BNC2: variants seen among roughly 807,000 people sequenced by gnomAD.
The protein encoded by BNC2 is zinc finger protein basonuclin-2.
A neutral mutation model predicts 76.3 loss-of-function variants in BNC2; 20 were observed. The observed-to-expected ratio is 0.26, with a 90% CI of 0.18 to 0.38. The LOEUF is 0.38. Ranked by LOEUF, BNC2 falls within the 10% of genes least tolerant of loss-of-function variation. The pLI is 1.00. For missense variants in BNC2, 1,382 were observed against 1,399.8 expected, an observed-to-expected ratio of 0.99 and a Z score of 0.20; for synonymous variants, 582 against 514.8, an observed-to-expected ratio of 1.13 and a Z score of -1.77.
intron 5 of BNC2, among the ~76,000 whole-genome samples, chr9:16,533,631 C>T (rs960931660): frequency 2.6e-5 from 4 of 151,970 alleles, no homozygotes; most frequent in African/African-American, 9.7e-5. Flanking sequence ...GAAAAATCTG[C>T]CTATTTGTAT....
In BNC2 at chr9:16,650,889, T is replaced by C. The variant is rs1471439470; in HGVS notation, c.331-67804A>G. On this transcript the variant is annotated intron_variant, in intron 3 of 6. Transcript: ENST00000380672. ...TATGTTTGTGTAAGTTTTGTAAATA[T>C]TGACATGTGCTATACGTAATGCAAA... 6.6e-5 allele frequency among the ~76,000 whole-genome samples: 10 copies of C among 152,332 alleles called. No homozygotes were observed. The East Asian group carries it at 1.3e-3, about 21-fold the overall frequency.
chr9:16,865,225 A>G (rs1012290949), intron 1 of BNC2, among the ~76,000 whole-genome samples: 6 of 152,090 alleles, frequency 3.9e-5, no homozygotes, highest in African/African-American at 1.4e-4. Flanking sequence ...CAACTATTAA[A>G]TACTGTATCT....
At chr9:16,716,888 G>A (rs545343826) in intron 3 of BNC2, among the ~76,000 whole-genome samples, 3 of 152,102 alleles carry the variant, frequency 2.0e-5, no homozygotes, top group East Asian at 3.9e-4. Flanking sequence ...CTTCACAATC[G>A]GACTTTAATC....
intron 3 of BNC2, among the ~76,000 whole-genome samples, chr9:16,617,208 T>A (rs544202444): frequency 3.3e-5 from 5 of 152,124 alleles, no homozygotes; most frequent in Admixed American, 2.0e-4. Context: ...ATGAGGTACT[T>A]CTTATAGAAC....
intron 5 of BNC2, among the ~76,000 whole-genome samples, chr9:16,514,867 C>G (rs1219753770): frequency 6.6e-6 from 1 of 152,208 alleles, no homozygotes; most frequent in Non-Finnish European, 1.5e-5. Context: ...TTCTTCATTG[C>G]TAATGGCAAT....
Position 16,815,520 on chromosome 9 carries a change from T to C in BNC2, c.3+55126A>G, listed in dbSNP as rs561980104. Among the ~76,000 whole-genome samples, 20 of 152,270 alleles carry C rather than the reference T, an allele frequency of 1.3e-4. No individual in the cohort carries two copies. In the South Asian group the frequency reaches 2.1e-3, roughly 16 times the overall value. On this transcript the variant is annotated intron_variant, in intron 1 of 6. Transcript: ENST00000380672. The stretch of plus-strand genomic sequence containing the variant: ...AGAATGAGGGTATATAGATGCAGAA[T>C]CCCTAAGATCTGGGATCTAAAGATA...
intron 5 of BNC2, among the ~76,000 whole-genome samples, chr9:16,441,719 T>C (rs1563785513): frequency 1.3e-5 from 2 of 152,212 alleles, no homozygotes; most frequent in Admixed American, 6.5e-5. Flanking sequence ...TTGGGACAAG[T>C]GGACACTGCT....
At chr9:16,823,211 T>C (rs1260140225) in intron 1 of BNC2, among the ~76,000 whole-genome samples, 1 of 152,214 alleles carries the variant, frequency 6.6e-6, no homozygotes, top group Non-Finnish European at 1.5e-5. Flanking sequence ...CTCTCTTCAG[T>C]GACTTTCTAA....
At chr9:16,828,494 G>A (rs904510563) in intron 1 of BNC2, among the ~76,000 whole-genome samples, 5 of 152,146 alleles carry the variant, frequency 3.3e-5, no homozygotes, top group Admixed American at 1.3e-4. Flanking sequence ...AATACGTTCT[G>A]AAGCTTAACT....
intron 5 of BNC2, among the ~76,000 whole-genome samples, chr9:16,545,150 A>G (rs1160166247): frequency 6.6e-6 from 1 of 152,218 alleles, no homozygotes; most frequent in Non-Finnish European, 1.5e-5. Flanking sequence ...GTGTATGTGT[A>G]TGTATTATTT....
intron 3 of BNC2, among the ~76,000 whole-genome samples, chr9:16,601,806 G>A (rs1005687754): frequency 6.6e-6 from 1 of 152,096 alleles, no homozygotes; most frequent in Non-Finnish European, 1.5e-5. Context: ...ACGCATTTAG[G>A]AAAGTAGAGA....
chr9:16,729,471 G>C (rs187259963), intron 2 of BNC2, among the ~76,000 whole-genome samples: 3 of 152,256 alleles, frequency 2.0e-5, no homozygotes, highest in East Asian at 3.9e-4. Context: ...GAAAAGATGA[G>C]AAAACGTACA....
At chr9:16,765,689 T>C (rs954611115) in intron 1 of BNC2, among the ~76,000 whole-genome samples, 1 of 152,132 alleles carries the variant, frequency 6.6e-6, no homozygotes, top group African/African-American at 2.4e-5. Context: ...TCATGAATGA[T>C]GCCTTAATTA....
At chr9:16,570,073 C>T (rs930795768) in intron 4 of BNC2, among the ~76,000 whole-genome samples, 4 of 152,068 alleles carry the variant, frequency 2.6e-5, no homozygotes, top group African/African-American at 9.7e-5. Context: ...TCACCCTACC[C>T]CCCAGTTATT....
chr9:16,838,828 T>C (rs1204884266), intron 1 of BNC2, among the ~76,000 whole-genome samples: 2 of 152,204 alleles, frequency 1.3e-5, no homozygotes, highest in Admixed American at 1.3e-4. Context: ...TATGCTAGGT[T>C]GGGTGATTCC....
chr9:16,715,271 C>T (rs1011946993), intron 3 of BNC2, among the ~76,000 whole-genome samples: 1 of 152,132 alleles, frequency 6.6e-6, no homozygotes, highest in Non-Finnish European at 1.5e-5. Flanking sequence ...GTTTTGCCCA[C>T]ACAGGTGATT....
chr9:16,434,893 A>T (rs1820973582), intron 6 of BNC2: 1 of 463,602 alleles, frequency 2.2e-6, no homozygotes, highest in Non-Finnish European at 4.4e-6. Flanking sequence ...AAGTTAAGAT[A>T]AAGAAACCCA....
chr9:16,812,256 G>A (rs1170894681), intron 1 of BNC2, among the ~76,000 whole-genome samples: 2 of 152,212 alleles, frequency 1.3e-5, no homozygotes, highest in Admixed American at 1.3e-4. Flanking sequence ...GGTGGTGCTT[G>A]CGCTGGGGCT....
intron 1 of BNC2, among the ~76,000 whole-genome samples, chr9:16,776,994 C>T (rs1274671171): frequency 6.6e-6 from 1 of 152,008 alleles, no homozygotes; most frequent in African/African-American, 2.4e-5. Flanking sequence ...GGCATGGTGG[C>T]ACACGCCTGT....
Sources: allele counts gnomAD v4.1 joint callset (sites outside exome capture counted in the v4.1 genomes callset), GRCh38; gene constraint gnomAD v4.1.1; transcripts MANE v1.5; gene names NCBI Gene and HGNC (gene_info 2026-07-23, HGNC 2026-07-21).